The following GDF5 variants were observed in gnomAD, a reference collection of about 807,000 sequenced individuals.
GDF5 encodes growth differentiation factor 5.
Under a neutral mutation model 34.6 loss-of-function variants are expected in GDF5, and 17 were observed. The ratio of observed to expected loss-of-function variants is 0.49; its 90% CI spans 0.34 to 0.74. GDF5 has a LOEUF of 0.74. GDF5 is among the 30% of genes least tolerant of loss of function. The probability of loss-of-function intolerance (pLI) is 0.01; values close to 1 mark genes in which losing one functional copy is unlikely to be tolerated. For synonymous variants in GDF5, 332 were observed against 290.7 expected (o/e 1.14, Z -1.44); for missense variants, 616 against 661.2 (o/e 0.93, Z 0.75).
rs1165265166 is a variant in GDF5 at position 35,434,573 on chromosome 20, C to G, written c.842G>C (p.Arg281Pro). 1 of 1,587,520 alleles carries G rather than the reference C, an allele frequency of 6.3e-7. No individual in the cohort carries two copies. The highest frequency in any genetic ancestry group is 1.7e-5 in the Admixed American group (1 of 57,412). The change falls in exon 2 of 2, where the codon CGC becomes CCC. Residue 281 changes from arginine to proline, a missense_variant. By Grantham distance (103) the Arg-to-Pro change is moderately radical. Coordinates refer to ENST00000374369, the MANE Select transcript of GDF5 (RefSeq NM_000557.5). ...AGATCCGTCCAGGCCTGGCACGGAGCGCACATCCAGCAAGGCGGCCGGCTG... is the reference window on the plus strand; with the variant it reads ...AGATCCGTCCAGGCCTGGCACGGAGGGCACATCCAGCAAGGCGGCCGGCTG... Reference protein sequence around the residue: ...GRQPAALLDVRSVPGLDGSGW... With the variant: ...GRQPAALLDVPSVPGLDGSGW...
rs547285231 is a variant in GDF5, at chr20:35,433,400, T to C, written c.*509A>G. On this transcript the variant is annotated 3_prime_UTR_variant, in exon 2 of 2. Transcript: ENST00000374369. ...ATCAATATACATTTAAATCTAACAG[T>C]CTAACAGCCTCACACTCCTCAACTC... 1 of 311,754 alleles carries C rather than the reference T, an allele frequency of 3.2e-6. No individual in the cohort carries two copies. The highest frequency in any genetic ancestry group is 6.3e-6 in the Non-Finnish European group (1 of 157,958). The allele number at this position is 311,754 out of a possible 1,614,324, so 19.3% of individuals were successfully genotyped here. A position where few individuals can be genotyped will look rare whatever the true frequency, so the allele number is the denominator to read the frequency against.
chr20:35,449,711 C>T (rs2062524577), intron 1 of GDF5, among the ~76,000 whole-genome samples: 1 of 152,100 alleles, frequency 6.6e-6, no homozygotes, highest in Non-Finnish European at 1.5e-5. Flanking sequence ...AACTTCAGCG[C>T]GGCAGCTCAA....
chr20:35,453,355 G>A (rs2062543193), intron 1 of GDF5, among the ~76,000 whole-genome samples: 2 of 152,224 alleles, frequency 1.3e-5, no homozygotes. Context: ...GCTGGGACCT[G>A]AAGGACAGGA....
chr20:35,437,107 C>A (rs1321708090), intron 1 of GDF5, among the ~76,000 whole-genome samples, 191 bp downstream of exon 1: 1 of 152,124 alleles, frequency 6.6e-6, no homozygotes, highest in Non-Finnish European at 1.5e-5. Context: ...TCCTAGGTGC[C>A]CTCCAGCCCT....
chr20:35,434,427 C>A lies in GDF5; in HGVS notation c.988G>T (p.Asp330Tyr), dbSNP rs368321679. The change falls in exon 2 of 2, where the codon GAC becomes TAC. Residue 330 changes from aspartate to tyrosine, a missense_variant. Transcript: ENST00000374369. ...RAVDLRGLGF[D>Y]RAARQVHEKA... The stretch of plus-strand genomic sequence containing the variant: ...TCGTGGACCTGCCGGGCGGCGCGGT[C>A]GAAGCCCAGGCCACGGAGGTCCACG... The A allele has an allele frequency of 1.2e-6, 2 of 1,613,492 alleles. No individual in the cohort carries two copies. The highest frequency in any genetic ancestry group is 1.7e-6 in the Non-Finnish European group (2 of 1,179,860).
chr20:35,454,345 T>G (rs1021443600), intron 1 of GDF5, among the ~76,000 whole-genome samples: 2 of 151,704 alleles, frequency 1.3e-5, no homozygotes, highest in African/African-American at 4.8e-5. Flanking sequence ...TCCCAGCTAC[T>G]CGGGAGGCTG....
chr20:35,443,475 A>G (rs75279734), intron 1 of GDF5, among the ~76,000 whole-genome samples: 3,025 of 151,598 alleles, frequency 0.02, 103 homozygotes, highest in African/African-American at 0.071. Flanking sequence ...TGTTCCATAA[A>G]CCATCCTTAT....
chr20:35,436,549 G>A (rs959957345), intron 1 of GDF5, among the ~76,000 whole-genome samples: 12 of 152,202 alleles, frequency 7.9e-5, no homozygotes, highest in African/African-American at 2.9e-4. Context: ...AGCTGCAACA[G>A]TAACATTAGG....
chr20:35,445,182 C>T (rs780795660), intron 1 of GDF5, among the ~76,000 whole-genome samples: 1 of 152,198 alleles, frequency 6.6e-6, no homozygotes, highest in Non-Finnish European at 1.5e-5. Flanking sequence ...TATTTCATCT[C>T]TCCCTGCCTC....
At position 35,433,941 on chromosome 20, in the gene GDF5, C is replaced by T. The variant is rs1188108135; in HGVS notation, c.1474G>A (p.Asp492Asn). 6.2e-7 allele frequency: 1 copy of T among 1,613,970 alleles called. No individual in the cohort carries two copies. The highest frequency in any genetic ancestry group is 1.7e-5 in the Admixed American group (1 of 59,998). The part of the protein sequence containing the change: ...ANNVVYKQYE[D>N]MVVESCGCR ...CAGCCACACGACTCCACGACCATGT[C>T]CTCATACTGCTTATACACCACGTTG... Residue 492 changes from aspartate to asparagine, a missense_variant, in exon 2 of 2, where the codon GAC becomes AAC. Asp to Asn is a conservative substitution (Grantham distance 23). Coordinates refer to ENST00000374369, the MANE Select transcript of GDF5 (RefSeq NM_000557.5).
intron 1 of GDF5, chr20:35,454,225 G>A (rs1391273330): frequency 5.7e-6 from 2 of 350,562 alleles, no homozygotes; most frequent in Non-Finnish European, 1.1e-5. Context: ...AGGCCGAGGC[G>A]GGAGGATCAC....
intron 1 of GDF5, among the ~76,000 whole-genome samples, chr20:35,449,882 G>A (rs895804360): frequency 6.6e-6 from 1 of 151,894 alleles, no homozygotes; most frequent in Non-Finnish European, 1.5e-5. Flanking sequence ...TTAGCTACTC[G>A]GGAGGCTGAG....
rs886056643 is a variant in GDF5 at position 35,438,148 on chromosome 20, G to A, written c.-220C>T. ...AGTGGAAATGCTCTCGTATCCAGAC[G>A]TGCACCGTCTCCAGTCAGCAGCTGA... On this transcript the variant is annotated 5_prime_UTR_variant, in exon 1 of 2. The change creates a new upstream start codon in the 5' untranslated region. Transcript: ENST00000374369. The A allele has an allele frequency of 2.5e-5, 15 of 599,212 alleles. No homozygotes were observed. The highest frequency in any genetic ancestry group is 1.4e-4 in the East Asian group (5 of 35,530). 37.1% of individuals were successfully genotyped at this position (599,212 alleles called of 1,614,324 possible).
chr20:35,450,141 G>GGA (rs1568737929), intron 1 of GDF5, among the ~76,000 whole-genome samples: 1 of 126,270 alleles, frequency 7.9e-6, no homozygotes, highest in South Asian at 2.8e-4. Flanking sequence ...CATCTCTACT[G>GGA]AAAAAAAAAA....
chr20:35,449,410 G>A (rs1309657772), intron 1 of GDF5, among the ~76,000 whole-genome samples: 2 of 152,088 alleles, frequency 1.3e-5, no homozygotes, highest in Non-Finnish European at 2.9e-5. Flanking sequence ...CAGAATAGTT[G>A]GGACTACAGT....
chr20:35,454,018 G>A (rs1437092938), intron 1 of GDF5: 1 of 534,404 alleles, frequency 1.9e-6, no homozygotes. Flanking sequence ...CTCCACCCCC[G>A]GTTTAGGGAT....
intron 1 of GDF5, 99 bp downstream of exon 1, chr20:35,437,199 A>G: frequency 1.2e-6 from 1 of 860,242 alleles, no homozygotes; most frequent in Non-Finnish European, 1.9e-6. Flanking sequence ...AGATGCACAC[A>G]GTGTCTCCCA....
At chr20:35,446,298 G>A (rs1018764806) in intron 1 of GDF5, among the ~76,000 whole-genome samples, 18 of 151,814 alleles carry the variant, frequency 1.2e-4, no homozygotes, top group Admixed American at 3.3e-4. Context: ...CAACAAGAGC[G>A]AAACTCCGTC....
intron 1 of GDF5, among the ~76,000 whole-genome samples, chr20:35,451,092 T>TATATATAC (rs1555824851): frequency 5.2e-5 from 7 of 133,582 alleles, no homozygotes; most frequent in Admixed American, 3.0e-4. Flanking sequence ...TATATATATA[T>TATATATAC]ACACAAATAT....
Sources: gnomAD v4.1 joint callset for allele counts (sites outside exome capture counted in the v4.1 genomes callset) on GRCh38, gnomAD v4.1.1 for gene constraint, MANE v1.5 for transcripts, NCBI Gene and HGNC (gene_info 2026-07-23, HGNC 2026-07-21) for gene names.